Variants in STK32A observed in about 807,000 individuals in gnomAD.
The protein encoded by STK32A is serine/threonine kinase 32A.
A neutral mutation model predicts 53.2 loss-of-function variants in STK32A; 41 were observed. That is an observed-to-expected ratio of 0.77 (90% CI 0.60 to 1.00). The LOEUF is 1.00. Ranked by LOEUF, STK32A falls within the 50% of genes least tolerant of loss-of-function variation. The probability of loss-of-function intolerance (pLI) is 0.00; values close to 1 mark genes in which losing one functional copy is unlikely to be tolerated. For missense variants in STK32A, 458 were observed against 485.8 expected (o/e 0.94, Z 0.54); for synonymous variants, 166 against 162.8 (o/e 1.02, Z -0.15).
chr5:147,350,134 T>TA (rs569791489), intron 6 of STK32A, among the ~76,000 whole-genome samples: 4 of 150,076 alleles, frequency 2.7e-5, no homozygotes, highest in East Asian at 4.0e-4. Flanking sequence ...AAATTAAATT[T>TA]AAAAAAAACC....
At chr5:147,261,766 A>G (rs1015863460) in intron 2 of STK32A, among the ~76,000 whole-genome samples, 1 of 152,192 alleles carries the variant, frequency 6.6e-6, no homozygotes, top group African/African-American at 2.4e-5. Context: ...TTAATATGGA[A>G]TTCACAAGTA....
At chr5:147,365,591 A>C (rs553297806) in intron 8 of STK32A, among the ~76,000 whole-genome samples, 1 of 152,166 alleles carries the variant, frequency 6.6e-6, no homozygotes, top group South Asian at 2.1e-4. Context: ...ACTTACTTAA[A>C]AGTAGAAACA....
At chr5:147,268,018 G>A (rs1754880956) in intron 2 of STK32A, among the ~76,000 whole-genome samples, 1 of 152,108 alleles carries the variant, frequency 6.6e-6, no homozygotes, top group Admixed American at 6.6e-5. Context: ...CAGATTCCCA[G>A]GTCCAGCCTC....
intron 2 of STK32A, among the ~76,000 whole-genome samples, chr5:147,258,751 T>A (rs1447107398): frequency 6.6e-6 from 1 of 152,126 alleles, no homozygotes; most frequent in Non-Finnish European, 1.5e-5. Context: ...TGGACAAGAC[T>A]GTCTAAGGCC....
chr5:147,343,320 A>C, intron 6 of STK32A: 1 of 618,988 alleles, frequency 1.6e-6, no homozygotes, highest in Non-Finnish European at 3.0e-6. Flanking sequence ...AAACCATCAC[A>C]ACTTTTCAGT....
At position 147,342,990 on chromosome 5, in the gene STK32A, C is replaced by A. The variant is rs779177980; in HGVS notation, c.435-16C>A. On this transcript the variant is annotated splice_polypyrimidine_tract_variant and intron_variant, in intron 5 of 12. Coordinates refer to ENST00000397936, the MANE Select transcript of STK32A (RefSeq NM_001112724.2). ...TTTATTGTGAGCAACTTTCTTTTTT[C>A]TTTTTACTCCTCTAGGGATATGAAG... is the stretch of plus-strand genomic sequence containing the variant. The A allele has an allele frequency of 4.3e-6, 7 of 1,611,862 alleles. No homozygotes were observed. The African/African-American group carries it at 6.7e-5, about 15-fold the overall frequency.
At chr5:147,338,353 T>A (rs1049295349) in intron 5 of STK32A, among the ~76,000 whole-genome samples, 6 of 152,194 alleles carry the variant, frequency 3.9e-5, no homozygotes, top group Admixed American at 3.9e-4. Flanking sequence ...GCCATGATTG[T>A]GAGGGCTCCC....
At position 147,383,436 on chromosome 5, in the gene STK32A, G is replaced by C. The variant is rs1219446967; in HGVS notation, c.1033-5G>C. 8.8e-6 allele frequency: 14 copies of C among 1,592,296 alleles called. No individual in the cohort carries two copies. Among genetic ancestry groups the C allele is most frequent in the Non-Finnish European group, 1.2e-5 (14 of 1,168,680 alleles). The stretch of plus-strand genomic sequence containing the variant: ...CTCTATTTTTTTTCTACGTTCACCT[G>C]GAAGACATGTCTTCTTCAAGAGCAC... On this transcript the variant is annotated splice_region_variant and splice_polypyrimidine_tract_variant and intron_variant, in intron 11 of 12. Transcript: ENST00000397936.
intron 9 of STK32A, 89 bp downstream of exon 9, chr5:147,370,859 G>T: frequency 1.2e-6 from 1 of 818,878 alleles, no homozygotes; most frequent in South Asian, 1.5e-5. Flanking sequence ...CAATATTGGG[G>T]ACAGTCATGA....
chr5:147,267,250 A>G (rs1754851833), intron 2 of STK32A, among the ~76,000 whole-genome samples: 1 of 152,198 alleles, frequency 6.6e-6, no homozygotes, highest in African/African-American at 2.4e-5. Context: ...GAAAGAAGAA[A>G]TTGAAACTCA....
At chr5:147,367,625 G>A (rs1756821370) in intron 8 of STK32A, among the ~76,000 whole-genome samples, 1 of 152,112 alleles carries the variant, frequency 6.6e-6, no homozygotes, top group Non-Finnish European at 1.5e-5. Flanking sequence ...GGGACGTTTT[G>A]AGCCAGGATG....
At chr5:147,280,674 C>T (rs1324658205) in intron 4 of STK32A, among the ~76,000 whole-genome samples, 1 of 151,676 alleles carries the variant, frequency 6.6e-6, no homozygotes, top group Non-Finnish European at 1.5e-5. Flanking sequence ...GACACCTAGC[C>T]CTGCCCCCAC....
At chr5:147,314,596 G>T (rs1338111544) in intron 4 of STK32A, among the ~76,000 whole-genome samples, 1 of 150,666 alleles carries the variant, frequency 6.6e-6, no homozygotes, top group Non-Finnish European at 1.5e-5. Flanking sequence ...TTTAAAAATG[G>T]ATAAAGAATC....
intron 4 of STK32A, among the ~76,000 whole-genome samples, chr5:147,283,376 C>G (rs1425074961): frequency 6.6e-6 from 1 of 151,502 alleles, no homozygotes; most frequent in Non-Finnish European, 1.5e-5. Context: ...AAGGTCACAC[C>G]TGAAGGGACT....
At chr5:147,389,581 C>G (rs1175068886), downstream of STK32A, among the ~76,000 whole-genome samples, 1 of 152,080 alleles carries the variant, frequency 6.6e-6, no homozygotes, top group African/African-American at 2.4e-5. Context: ...CCAACTTTGT[C>G]CCACATAAAA....
the STK32A span, chr5:147,400,888 G>A: frequency 1.3e-6 from 2 of 1,587,080 alleles, no homozygotes; most frequent in East Asian, 4.5e-5. Context: ...AGGCACACTG[G>A]GAGCTTAGAG....
At chr5:147,345,945 G>A (rs945441465) in intron 6 of STK32A, among the ~76,000 whole-genome samples, 7 of 152,128 alleles carry the variant, frequency 4.6e-5, no homozygotes, top group African/African-American at 1.7e-4. Flanking sequence ...GTACAGAAGT[G>A]AGCAAACAAA....
chr5:147,345,778 G>C (rs542233029), intron 6 of STK32A, among the ~76,000 whole-genome samples: 3 of 152,166 alleles, frequency 2.0e-5, no homozygotes, highest in African/African-American at 7.2e-5. Context: ...GTCTCAGTCT[G>C]CCCCTATTAC....
intron 4 of STK32A, among the ~76,000 whole-genome samples, chr5:147,287,603 C>G (rs956456938): frequency 1.3e-4 from 20 of 152,240 alleles, no homozygotes; most frequent in African/African-American, 4.8e-4. Flanking sequence ...AGTTTATGCA[C>G]TACTCGGATA....
Sources: allele counts gnomAD v4.1 joint callset (sites outside exome capture counted in the v4.1 genomes callset), GRCh38; gene constraint gnomAD v4.1.1; transcripts MANE v1.5; gene names NCBI Gene and HGNC (gene_info 2026-07-23, HGNC 2026-07-21).